PTPRD: variants seen among roughly 807,000 people sequenced by gnomAD.
PTPRD encodes the protein receptor-type tyrosine-protein phosphatase delta.
PTPRD carries 34 observed loss-of-function variants against 214.5 expected under a neutral mutation model. The observed-to-expected ratio is 0.16, with a 90% CI of 0.12 to 0.21. The LOEUF is 0.21. Ranked by LOEUF, PTPRD falls within the 10% of genes least tolerant of loss-of-function variation. The pLI is 1.00. For synonymous variants in PTPRD, 1,128 were observed against 845.7 expected (o/e 1.33, Z -5.79); for missense variants, 2,545 against 2,398.7 (o/e 1.06, Z -1.27).
At chr9:8,390,613 G>A (rs899697025) in intron 36 of PTPRD, among the ~76,000 whole-genome samples, 8 of 152,274 alleles carry the variant, frequency 5.3e-5, no homozygotes, top group South Asian at 2.1e-4. Context: ...TGACAAAAGA[G>A]TAAATAATTT....
chr9:8,695,162 C>G (rs1000143302), intron 12 of PTPRD, among the ~76,000 whole-genome samples: 1 of 152,114 alleles, frequency 6.6e-6, no homozygotes, highest in Non-Finnish European at 1.5e-5. Flanking sequence ...GCTCTAAACA[C>G]CACATACAGA....
At chr9:8,657,474 A>T (rs547094094) in intron 12 of PTPRD, among the ~76,000 whole-genome samples, 1 of 152,000 alleles carries the variant, frequency 6.6e-6, no homozygotes, top group African/African-American at 2.4e-5. Flanking sequence ...CGGCCTGCCC[A>T]CTTTTTAATA....
At chr9:9,736,515 T>A (rs1397210948) in intron 6 of PTPRD, among the ~76,000 whole-genome samples, 4 of 152,076 alleles carry the variant, frequency 2.6e-5, no homozygotes, top group African/African-American at 9.7e-5. Context: ...AAGAGTGACA[T>A]TACTGGGTCA....
chr9:8,635,606 T>C (rs999076031), intron 13 of PTPRD, among the ~76,000 whole-genome samples: 2 of 152,118 alleles, frequency 1.3e-5, no homozygotes, highest in Non-Finnish European at 1.5e-5. Context: ...TGAGTTCCTA[T>C]GAAAATAAGT....
At chr9:9,476,930 T>C (rs1369098158) in intron 8 of PTPRD, among the ~76,000 whole-genome samples, 2 of 151,892 alleles carry the variant, frequency 1.3e-5, no homozygotes, top group African/African-American at 2.4e-5. Flanking sequence ...GGACGGGGTT[T>C]CTCTGTGTTA....
chr9:9,295,223 T>C (rs1367087223), intron 9 of PTPRD, among the ~76,000 whole-genome samples: 1 of 151,750 alleles, frequency 6.6e-6, no homozygotes, highest in Non-Finnish European at 1.5e-5. Context: ...TTATTCTAAT[T>C]AACACTTTCT....
chr9:8,596,589 T>C (rs2154270213), intron 14 of PTPRD, among the ~76,000 whole-genome samples: 1 of 152,204 alleles, frequency 6.6e-6, no homozygotes, highest in South Asian at 2.1e-4. Context: ...CAAGACTGGT[T>C]TCAATATTAT....
chr9:9,639,568 T>C (rs1484190073), intron 7 of PTPRD, among the ~76,000 whole-genome samples: 15 of 152,220 alleles, frequency 9.9e-5, no homozygotes, highest in Admixed American at 9.8e-4. Flanking sequence ...GCCAGGTAGA[T>C]AACAGTTATA....
At chr9:10,333,153 G>C (rs966477524) in intron 3 of PTPRD, among the ~76,000 whole-genome samples, 1 of 151,782 alleles carries the variant, frequency 6.6e-6, no homozygotes, top group Non-Finnish European at 1.5e-5. Flanking sequence ...AGTAAGTGGA[G>C]AGAAACAGAG....
chr9:8,748,197 T>C (rs1458442928), intron 11 of PTPRD, among the ~76,000 whole-genome samples: 1 of 152,120 alleles, frequency 6.6e-6, no homozygotes, highest in Non-Finnish European at 1.5e-5. Flanking sequence ...GAGCGGGGAC[T>C]GAGAGACAGG....
intron 7 of PTPRD, among the ~76,000 whole-genome samples, chr9:9,719,275 TC>T (rs2097891806): frequency 6.6e-6 from 1 of 152,104 alleles, no homozygotes; most frequent in Non-Finnish European, 1.5e-5. Flanking sequence ...TCCACCATGT[TC>T]AACCTCCAGT....
chr9:10,501,943 A>G (rs138115579), intron 2 of PTPRD, among the ~76,000 whole-genome samples: 1 of 152,072 alleles, frequency 6.6e-6, no homozygotes, highest in East Asian at 1.9e-4. Flanking sequence ...TACCTGGTCC[A>G]TTATAGAGTT....
At chr9:10,581,185 G>A (rs534296262) in intron 2 of PTPRD, among the ~76,000 whole-genome samples, 1 of 152,152 alleles carries the variant, frequency 6.6e-6, no homozygotes, top group East Asian at 1.9e-4. Flanking sequence ...TATCTAGGAA[G>A]TACTTATAAC....
intron 11 of PTPRD, among the ~76,000 whole-genome samples, chr9:8,759,768 A>C (rs1414566802): frequency 6.6e-6 from 1 of 152,106 alleles, no homozygotes; most frequent in Non-Finnish European, 1.5e-5. Context: ...TTCACTTGAA[A>C]TTCTCTCCTG....
At chr9:8,586,929 T>C (rs2093701884) in intron 14 of PTPRD, among the ~76,000 whole-genome samples, 1 of 152,090 alleles carries the variant, frequency 6.6e-6, no homozygotes, top group Admixed American at 6.6e-5. Context: ...GGGCGGACCA[T>C]GAGGTCGGAA....
At chr9:9,275,819 C>CTGTGTGTGTGTGTGTG (rs879644613) in intron 9 of PTPRD, among the ~76,000 whole-genome samples, 1 of 147,326 alleles carries the variant, frequency 6.8e-6, no homozygotes, top group African/African-American at 2.5e-5. Flanking sequence ...AGCGAAACAG[C>CTGTGTGTGTGTGTGTG]TGTGTGTGTG....
In PTPRD at chr9:8,448,040, G is replaced by A. The variant is rs534937607; in HGVS notation, c.3988+1685C>T. ...TGGGTCCATTATTAAGAAGTTGCCT[G>A]TAGGCCAGGAGTGGTGGCTAATGCC... On this transcript the variant is annotated intron_variant, in intron 34 of 45. Transcript: ENST00000381196. Among the ~76,000 whole-genome samples the A allele has an allele frequency of 2.0e-5, 3 of 152,212 alleles. No individual in the cohort carries two copies. The East Asian group carries it at 5.8e-4, about 29-fold the overall frequency.
intron 4 of PTPRD, among the ~76,000 whole-genome samples, chr9:9,964,079 C>T (rs565961416): frequency 1.3e-4 from 19 of 151,904 alleles, no homozygotes; most frequent in African/African-American, 4.4e-4. Flanking sequence ...GAGGCAGAGA[C>T]GGAGGCAGAG....
chr9:8,327,024 C>T (rs139064343), intron 44 of PTPRD, among the ~76,000 whole-genome samples: 1,110 of 146,484 alleles, frequency 7.6e-3, no homozygotes, highest in African/African-American at 0.025. Context: ...TTTCGTGTCT[C>T]TATCTCCTTC....
Sources: allele counts gnomAD v4.1 joint callset (sites outside exome capture counted in the v4.1 genomes callset), GRCh38; gene constraint gnomAD v4.1.1; transcripts MANE v1.5; gene names NCBI Gene and HGNC (gene_info 2026-07-23, HGNC 2026-07-21).